KCNQ1: variants seen among roughly 807,000 people sequenced by gnomAD.
KCNQ1 encodes the protein potassium voltage-gated channel subfamily KQT member 1.
KCNQ1 carries 49 observed loss-of-function variants against 72.4 expected under a neutral mutation model. That is an observed-to-expected ratio of 0.68 (90% CI 0.54 to 0.86). KCNQ1 has a LOEUF of 0.86. Ranked by LOEUF, KCNQ1 falls within the 40% of genes least tolerant of loss-of-function variation. KCNQ1 has a pLI of 0.00. For missense variants in KCNQ1, 790 were observed against 945.1 expected, an observed-to-expected ratio of 0.84 and a Z score of 2.15; for synonymous variants, 450 against 412.6, an observed-to-expected ratio of 1.09 and a Z score of -1.10.
intron 1 of KCNQ1, among the ~76,000 whole-genome samples, chr11:2,520,048 C>T (rs564481903): frequency 2.5e-4 from 38 of 152,382 alleles, no homozygotes; most frequent in African/African-American, 8.7e-4. Flanking sequence ...CTGTCGCCCC[C>T]ACCCCCCAGG....
chr11:2,523,643 T>C (rs1014396669), intron 1 of KCNQ1, among the ~76,000 whole-genome samples: 16 of 151,770 alleles, frequency 1.1e-4, no homozygotes, highest in Admixed American at 2.0e-4. Flanking sequence ...AGGGCAGCTG[T>C]GAAGTGGGGT....
chr11:2,581,398 T>G (rs1199623387), intron 6 of KCNQ1, among the ~76,000 whole-genome samples: 1 of 152,200 alleles, frequency 6.6e-6, no homozygotes, highest in East Asian at 1.9e-4. Context: ...CCCACCCCAG[T>G]GCACCTGGGC....
In KCNQ1 at chr11:2,645,844, G is replaced by T; in HGVS notation, c.1394-16117G>T. The T allele has an allele frequency of 2.5e-6, 1 of 398,672 alleles. No homozygotes were observed. The highest frequency in any genetic ancestry group is 1.3e-4 in the South Asian group (1 of 7,844). The allele number at this position is 398,672 out of a possible 1,614,324, so 24.7% of individuals were successfully genotyped here. A position where few individuals can be genotyped will look rare whatever the true frequency, so the allele number is the denominator to read the frequency against. ...TTTCCTGAAGTTGCCTGAGGATTCA[G>T]GGGATGTGTGAATTGCCTGAGGATT... On this transcript the variant is annotated intron_variant, in intron 10 of 15. Transcript: ENST00000155840. The surrounding 1 kb of genome is among the most constrained non-coding windows in gnomAD (Gnocchi z 5.8).
chr11:2,522,494 C>T (rs777578226), intron 1 of KCNQ1, among the ~76,000 whole-genome samples: 1 of 152,232 alleles, frequency 6.6e-6, no homozygotes, highest in African/African-American at 2.4e-5. Flanking sequence ...CCCTGAGTGC[C>T]TCAAGGGCAG....
chr11:2,573,204 T>C lies in KCNQ1; in HGVS notation c.921+218T>C, dbSNP rs1203742609. ...GGCATCACCATCTTGAAGTTCTGAA[T>C]GGTCTCATCCTTGAACTTGAGATTT... On this transcript the variant is annotated intron_variant, in intron 6 of 15. Transcript: ENST00000155840. Among the ~76,000 whole-genome samples the C allele has an allele frequency of 4.6e-5, 7 of 152,198 alleles. No individual in the cohort carries two copies. In the East Asian group the frequency reaches 1.2e-3, roughly 25 times the overall value.
rs1197130667 is a variant in KCNQ1 at position 2,457,534 on chromosome 11, A to G, written c.386+12050A>G. Among the ~76,000 whole-genome samples the G allele has an allele frequency of 6.6e-6, 1 of 152,122 alleles. No homozygotes were observed. The highest frequency in any genetic ancestry group is 2.4e-5 in the African/African-American group (1 of 41,404). Reference sequence around the variant, plus strand: ...AATTAATGCAGAAACTGAAAACCAAATACTGCGTGGTCTCATGGATTATAA... The same window carrying G: ...AATTAATGCAGAAACTGAAAACCAAGTACTGCGTGGTCTCATGGATTATAA... On this transcript the variant is annotated intron_variant, in intron 1 of 15. Transcript: ENST00000155840. This position sits in a 1 kb window ranked among gnomAD's most constrained non-coding sequence, Gnocchi z 5.0.
chr11:2,648,983 T>TTC (rs2133840193), intron 10 of KCNQ1: 1 of 20,108 alleles, frequency 5.0e-5, no homozygotes, highest in Non-Finnish European at 1.0e-4. Flanking sequence ...TTCTTTTTCT[T>TTC]TTTTTTTTTT....
intron 11 of KCNQ1, among the ~76,000 whole-genome samples, chr11:2,709,508 C>T (rs1850969745): frequency 6.6e-6 from 1 of 152,122 alleles, no homozygotes; most frequent in South Asian, 2.1e-4. Context: ...ATACAATTCA[C>T]CCATTTAAAG....
chr11:2,749,614 G>A (rs1248073068), intron 11 of KCNQ1, among the ~76,000 whole-genome samples: 15 of 148,330 alleles, frequency 1.0e-4, no homozygotes, highest in Non-Finnish European at 1.9e-4. Flanking sequence ...TCGAGACCAC[G>A]GCGAAACCCT....
rs1849648295 is a variant in KCNQ1, at chr11:2,645,220, C to A, written c.1394-16741C>A. On this transcript the variant is annotated intron_variant, in intron 10 of 15. Transcript: ENST00000155840. The surrounding 1 kb of genome is among the most constrained non-coding windows in gnomAD (Gnocchi z 5.8). ...CTGGATGAGCTTGTCCCAAGGCCCA[C>A]AGGTGGCAAATTCAAGTGAATGCCA... 1 of 398,574 alleles carries A rather than the reference C, an allele frequency of 2.5e-6. No individual in the cohort carries two copies. The highest frequency in any genetic ancestry group is 2.1e-5 in the African/African-American group (1 of 48,622). The allele number at this position is 398,574 out of a possible 1,614,324, so 24.7% of individuals were successfully genotyped here. A position where few individuals can be genotyped will look rare whatever the true frequency, so the allele number is the denominator to read the frequency against.
chr11:2,807,216 C>T (rs973040609), intron 15 of KCNQ1, among the ~76,000 whole-genome samples: 17 of 152,192 alleles, frequency 1.1e-4, no homozygotes, highest in African/African-American at 3.9e-4. Flanking sequence ...AATATTTCAT[C>T]GAGCCTGACA....
At chr11:2,558,659 C>T (rs2283166) in intron 2 of KCNQ1, among the ~76,000 whole-genome samples, 21,202 of 152,256 alleles carry the variant, frequency 0.14, 1,692 homozygotes, top group South Asian at 0.33. Context: ...GCTTGCGCAG[C>T]GAGCTGGGTC....
rs1288975267 is a variant in KCNQ1, at chr11:2,817,162, G to A, written c.1795-30605G>A. On this transcript the variant is annotated intron_variant, in intron 15 of 15. Coordinates refer to ENST00000155840, the MANE Select transcript of KCNQ1 (RefSeq NM_000218.3). The surrounding 1 kb of genome is among the most constrained non-coding windows in gnomAD (Gnocchi z 6.1). The stretch of plus-strand genomic sequence containing the variant: ...TGCTCCACAGGCCAACTCTGCGCAC[G>A]CTCCTTTCAAGGGTTAACGGTGCAA... Among the ~76,000 whole-genome samples the A allele has an allele frequency of 6.6e-6, 1 of 152,192 alleles. No individual in the cohort carries two copies. Among genetic ancestry groups the A allele is most frequent in the Admixed American group, 6.5e-5 (1 of 15,292 alleles).
chr11:2,706,593 C>T (rs1365915035), intron 11 of KCNQ1, among the ~76,000 whole-genome samples: 1 of 152,262 alleles, frequency 6.6e-6, no homozygotes, highest in Non-Finnish European at 1.5e-5. Context: ...CAAAGGCCAG[C>T]TGACAGAGCC....
At chr11:2,812,243 A>G (rs551563210) in intron 15 of KCNQ1, among the ~76,000 whole-genome samples, 1 of 152,264 alleles carries the variant, frequency 6.6e-6, no homozygotes, top group East Asian at 1.9e-4. Context: ...CACATACATG[A>G]AAAGCCTGAG....
intron 1 of KCNQ1, among the ~76,000 whole-genome samples, chr11:2,496,312 C>T (rs1417789377): frequency 6.6e-6 from 1 of 151,908 alleles, no homozygotes; most frequent in East Asian, 1.9e-4. Flanking sequence ...TGGCGGGCAC[C>T]TGTAGTCCCA....
chr11:2,628,459 C>T (rs1341477400), intron 10 of KCNQ1: 1 of 398,116 alleles, frequency 2.5e-6, no homozygotes, highest in Non-Finnish European at 4.4e-6. Flanking sequence ...CTATTCAGTC[C>T]CTTGTCCATC....
In KCNQ1 at chr11:2,599,869, C is replaced by A. The variant is rs11023421; in HGVS notation, c.1393+11015C>A. Reference sequence around the variant, plus strand: ...CCTCTTTAAAGGTCCTGTCTCCAAACATGCTGAGTCACGTGCCGAGGTATT... The same window carrying A: ...CCTCTTTAAAGGTCCTGTCTCCAAAAATGCTGAGTCACGTGCCGAGGTATT... On this transcript the variant is annotated intron_variant, in intron 10 of 15. Coordinates refer to ENST00000155840, the MANE Select transcript of KCNQ1 (RefSeq NM_000218.3). The surrounding 1 kb of genome is among the most constrained non-coding windows in gnomAD (Gnocchi z 4.7). Among the ~76,000 whole-genome samples the A allele has an allele frequency of 0.16, 24,252 of 152,162 alleles. 2,306 individuals carry two copies. Among genetic ancestry groups the A allele is most frequent in the East Asian group, 0.28 (1,457 of 5,162 alleles).
intron 6 of KCNQ1, among the ~76,000 whole-genome samples, chr11:2,581,830 G>A (rs889151061): frequency 7.9e-5 from 12 of 152,224 alleles, no homozygotes; most frequent in African/African-American, 2.9e-4. Context: ...TCCACTGAAA[G>A]GGCCTGGCAG....
Sources: allele counts gnomAD v4.1 joint callset (sites outside exome capture counted in the v4.1 genomes callset), GRCh38; gene constraint gnomAD v4.1.1; non-coding constraint Gnocchi (gnomAD v3.1); transcripts MANE v1.5; gene names NCBI Gene and HGNC (gene_info 2026-07-23, HGNC 2026-07-21).